TLL2: variants seen among roughly 807,000 people sequenced by gnomAD.
TLL2 encodes the protein tolloid-like protein 2.
In TLL2, 106 loss-of-function variants were observed where a neutral mutation model predicts 123.0. The ratio of observed to expected loss-of-function variants is 0.86; its 90% CI spans 0.74 to 1.01. The LOEUF (loss-of-function observed/expected upper bound fraction) is 1.01, where lower values mean the gene tolerates loss of function less well. Among genes scored for constraint, TLL2 ranks in the 50% least tolerant of loss-of-function variants. The pLI is 0.00. For missense variants in TLL2, 1,332 were observed against 1,336.7 expected, an observed-to-expected ratio of 1.00 and a Z score of 0.06; for synonymous variants, 494 against 516.8, an observed-to-expected ratio of 0.96 and a Z score of 0.60.
chr10:96,449,231 G>A (rs1846930294), intron 2 of TLL2, among the ~76,000 whole-genome samples: 1 of 152,194 alleles, frequency 6.6e-6, no homozygotes, highest in Non-Finnish European at 1.5e-5. Flanking sequence ...GAGAGAGTTA[G>A]TAAAGGTGAT....
Position 96,379,082 on chromosome 10 carries a change from C to G in TLL2, c.2205G>C (p.Glu735Asp). The change falls in exon 17 of 21, where the codon GAG (glutamate) becomes GAC (aspartate). Residue 735 changes from glutamate to aspartate, a missense_variant. Physicochemically the swap from Glu to Asp is conservative, Grantham distance 45. Coordinates refer to ENST00000357947, the MANE Select transcript of TLL2 (RefSeq NM_012465.4). ...FRAHFFSDKDECAKDNGGCQH... is the reference protein window; with the variant it reads ...FRAHFFSDKDDCAKDNGGCQH... ...GACACCCGCCGTTGTCCTTGGCACA[C>G]TCGTCCTTATCTGGGGAGATCAATG... is the stretch of plus-strand genomic sequence containing the variant. 6.2e-7 allele frequency: 1 copy of G among 1,614,126 alleles called. No homozygotes were observed.
chr10:96,385,124 G>A (rs1032974943), intron 15 of TLL2, among the ~76,000 whole-genome samples: 1 of 152,190 alleles, frequency 6.6e-6, no homozygotes, highest in South Asian at 2.1e-4. Context: ...ATAAGGAGAA[G>A]AGGATGAGGG....
intron 13 of TLL2, among the ~76,000 whole-genome samples, chr10:96,388,150 T>TCA (rs1362214074): frequency 6.6e-6 from 1 of 152,162 alleles, no homozygotes; most frequent in East Asian, 1.9e-4. Context: ...ACGCCTGTAA[T>TCA]CACAGCACTT....
chr10:96,464,776 T>C (rs1456920087), intron 2 of TLL2, among the ~76,000 whole-genome samples: 1 of 152,200 alleles, frequency 6.6e-6, no homozygotes, highest in Non-Finnish European at 1.5e-5. Flanking sequence ...GAAATAAAAA[T>C]TCTTAAATGT....
At chr10:96,443,601 T>C (rs888365804) in intron 3 of TLL2, among the ~76,000 whole-genome samples, 2 of 152,200 alleles carry the variant, frequency 1.3e-5, no homozygotes, top group African/African-American at 4.8e-5. Flanking sequence ...TAACAAACTA[T>C]TGTTTGAAGT....
In TLL2 at chr10:96,369,738, C is replaced by T. The variant is rs575528626; in HGVS notation, c.2913+327G>A. The stretch of plus-strand genomic sequence containing the variant: ...ATCCAGCCTGGGCGACAGAGCAAGA[C>T]TCCGTCTCGGGGGAAAAAAAAGAAA... On this transcript the variant is annotated intron_variant, in intron 20 of 20. Transcript: ENST00000357947. Among the ~76,000 whole-genome samples the T allele has an allele frequency of 4.1e-5, 6 of 146,314 alleles. No homozygotes were observed. The East Asian group carries it at 6.1e-4, about 15-fold the overall frequency.
At chr10:96,440,208 T>A (rs772838278) in intron 3 of TLL2, among the ~76,000 whole-genome samples, 5 of 152,240 alleles carry the variant, frequency 3.3e-5, no homozygotes, top group Non-Finnish European at 7.3e-5. Flanking sequence ...ATGTGAATTT[T>A]TCTGGTAGAC....
At chr10:96,461,285 C>G (rs530803273) in intron 2 of TLL2, among the ~76,000 whole-genome samples, 1 of 152,322 alleles carries the variant, frequency 6.6e-6, no homozygotes, top group South Asian at 2.1e-4. Context: ...TAAGAATTCA[C>G]ATACCTCAGG....
intron 1 of TLL2, among the ~76,000 whole-genome samples, chr10:96,508,711 T>C (rs2134117947): frequency 6.6e-6 from 1 of 152,108 alleles, no homozygotes; most frequent in Admixed American, 6.5e-5. Context: ...CTCTGCCACA[T>C]GTCTCCCCAC....
At chr10:96,382,947 G>T (rs1463793713) in intron 16 of TLL2, among the ~76,000 whole-genome samples, 1 of 152,176 alleles carries the variant, frequency 6.6e-6, no homozygotes, top group Non-Finnish European at 1.5e-5. Flanking sequence ...TGGGTCTTCA[G>T]GTTGAAGTAG....
chr10:96,512,020 T>A (rs562593874), intron 1 of TLL2, among the ~76,000 whole-genome samples: 2 of 152,232 alleles, frequency 1.3e-5, no homozygotes, highest in Non-Finnish European at 2.9e-5. Context: ...TGCTACCTGC[T>A]GAGGTTTTCT....
intron 1 of TLL2, among the ~76,000 whole-genome samples, chr10:96,510,739 A>C (rs1250308409): frequency 6.6e-6 from 1 of 152,210 alleles, no homozygotes; most frequent in East Asian, 1.9e-4. Context: ...GAAATGGTAA[A>C]ATTACCAGTT....
intron 2 of TLL2, among the ~76,000 whole-genome samples, chr10:96,450,806 G>A (rs937701667): frequency 3.9e-5 from 6 of 151,992 alleles, no homozygotes; most frequent in Admixed American, 2.0e-4. Context: ...AGTTTTCAGG[G>A]TATGGGGATG....
chr10:96,467,082 G>T (rs1847139116), intron 2 of TLL2, among the ~76,000 whole-genome samples: 1 of 152,236 alleles, frequency 6.6e-6, no homozygotes, highest in Non-Finnish European at 1.5e-5. Flanking sequence ...ACAAAGGTCA[G>T]TTTCCAGCTG....
At chr10:96,508,376 G>A (rs928636465) in intron 1 of TLL2, among the ~76,000 whole-genome samples, 4 of 152,160 alleles carry the variant, frequency 2.6e-5, no homozygotes, top group Non-Finnish European at 5.9e-5. Flanking sequence ...AGGATGTCTT[G>A]GAGAGAATGG....
rs925707685 is a variant in TLL2 at position 96,432,788 on chromosome 10, C to T, written c.520+19G>A. 5.0e-6 allele frequency: 8 copies of T among 1,610,510 alleles called. No individual in the cohort carries two copies. The highest frequency in any genetic ancestry group is 5.1e-6 in the Non-Finnish European group (6 of 1,177,362). On this transcript the variant is annotated intron_variant, in intron 4 of 20. Transcript: ENST00000357947. ...CAAAGCACCCTGACCCAAAGCAGACCTTGTCTGTGGCTACTGACCAGTGAA... is the reference window on the plus strand; with the variant it reads ...CAAAGCACCCTGACCCAAAGCAGACTTTGTCTGTGGCTACTGACCAGTGAA...
chr10:96,507,612 A>G lies in TLL2; in HGVS notation c.175+5899T>C, dbSNP rs533171957. Among the ~76,000 whole-genome samples the G allele has an allele frequency of 6.6e-5, 10 of 152,366 alleles. No homozygotes were observed. In the East Asian group the frequency reaches 1.9e-3, roughly 29 times the overall value. On this transcript the variant is annotated intron_variant, in intron 1 of 20. Coordinates refer to ENST00000357947, the MANE Select transcript of TLL2 (RefSeq NM_012465.4). ...CCTTGTGCCAGATACTGTGCTCAGC[A>G]CTTGACAAACATTGTATTATTTAAT...
Position 96,508,532 on chromosome 10 carries a change from A to G in TLL2, c.175+4979T>C, listed in dbSNP as rs145863664. Among the ~76,000 whole-genome samples, 11 of 152,326 alleles carry G rather than the reference A, an allele frequency of 7.2e-5. No homozygotes were observed. In the East Asian group the frequency reaches 2.1e-3, roughly 29 times the overall value. On this transcript the variant is annotated intron_variant, in intron 1 of 20. Transcript: ENST00000357947. ...AACATGGGACCCACAGCTGTGAAGA[A>G]GGCCCTGGTATTTACCAAGCCATCC...
At chr10:96,458,823 A>T (rs56219083) in intron 2 of TLL2, among the ~76,000 whole-genome samples, 1 of 151,914 alleles carries the variant, frequency 6.6e-6, no homozygotes, top group African/African-American at 2.4e-5. Context: ...GGCCAGGAGC[A>T]GTGGCTCACA....
Sources: allele counts gnomAD v4.1 joint callset (sites outside exome capture counted in the v4.1 genomes callset), GRCh38; gene constraint gnomAD v4.1.1; transcripts MANE v1.5; gene names NCBI Gene and HGNC (gene_info 2026-07-23, HGNC 2026-07-21).